The following AATK variants were observed in gnomAD, a reference collection of about 807,000 sequenced individuals.
The protein encoded by AATK is serine/threonine-protein kinase LMTK1.
In AATK, 91 loss-of-function variants were observed where a neutral mutation model predicts 114.3. That is an observed-to-expected ratio of 0.80 (90% CI 0.67 to 0.95). The LOEUF (loss-of-function observed/expected upper bound fraction) is 0.95, where lower values mean the gene tolerates loss of function less well. AATK is among the 40% of genes least tolerant of loss of function. The pLI is 0.00. For synonymous variants in AATK, 1,075 were observed against 916.5 expected (o/e 1.17, Z -3.12); for missense variants, 2,176 against 1,965.2 (o/e 1.11, Z -2.03).
rs1209634633 is a variant in AATK, at chr17:81,163,964, C to T, written c.55+1974G>A. 5.3e-5 allele frequency among the ~76,000 whole-genome samples: 8 copies of T among 152,254 alleles called. No homozygotes were observed. In the East Asian group the frequency reaches 1.5e-3, roughly 29 times the overall value. On this transcript the variant is annotated intron_variant, in intron 1 of 13. Coordinates refer to ENST00000326724, the MANE Select transcript of AATK (RefSeq NM_001080395.3). ...AGCCACAAGCGTGGGCCCCTCCCCT[C>T]TGGGTGCCCCCCCACAGACACAAGC...
rs1257927514 is a variant in AATK at position 81,120,892 on chromosome 17, C to T, written c.3044G>A (p.Cys1015Tyr). The T allele has an allele frequency of 1.3e-6, 2 of 1,588,980 alleles. No individual in the cohort carries two copies. Among genetic ancestry groups the T allele is most frequent in the African/African-American group, 2.7e-5 (2 of 74,432 alleles). ...TGGCCCGGGGGCTCGGTCCCCGCCGCACTTCTTCTCTGGGCCTGAGGTGGC... is the reference window on the plus strand; with the variant it reads ...TGGCCCGGGGGCTCGGTCCCCGCCGTACTTCTTCTCTGGGCCTGAGGTGGC... Reference protein sequence around the residue: ...AEATSGPEKKCGGDRAPGPEL... With the variant: ...AEATSGPEKKYGGDRAPGPEL... Residue 1015 changes from cysteine to tyrosine, a missense_variant, in exon 11 of 14, where the codon TGC becomes TAC. Physicochemically the swap from Cys to Tyr is radical, Grantham distance 194 (BLOSUM62 -2). Coordinates refer to ENST00000326724, the MANE Select transcript of AATK (RefSeq NM_001080395.3).
At chr17:81,148,295 G>A (rs1039268965) in intron 1 of AATK, among the ~76,000 whole-genome samples, 1 of 152,218 alleles carries the variant, frequency 6.6e-6, no homozygotes, top group Non-Finnish European at 1.5e-5. Flanking sequence ...GCTGGACGCA[G>A]AATGGCCACC....
intron 1 of AATK, among the ~76,000 whole-genome samples, chr17:81,152,139 G>A (rs553190070): frequency 7.9e-5 from 12 of 152,174 alleles, no homozygotes; most frequent in African/African-American, 1.7e-4. Flanking sequence ...TTAGCAGGGC[G>A]TGGTGGCACT....
At chr17:81,127,481 G>T in intron 6 of AATK, 102 bp downstream of exon 6, 1 of 1,185,554 alleles carries the variant, frequency 8.4e-7, no homozygotes, top group Non-Finnish European at 1.2e-6. Flanking sequence ...GCTTTAGGGA[G>T]GATGTGAGGC....
At chr17:81,138,676 C>T (rs2061069834) in intron 1 of AATK, among the ~76,000 whole-genome samples, 1 of 151,548 alleles carries the variant, frequency 6.6e-6, no homozygotes, top group Admixed American at 6.6e-5. Context: ...CATACATGCA[C>T]ACCCACCCAC....
chr17:81,138,434 AAC>A (rs1309101680), intron 1 of AATK, among the ~76,000 whole-genome samples: 6 of 108,760 alleles, frequency 5.5e-5, no homozygotes, highest in Admixed American at 2.9e-4. Context: ...TACACATGCA[AAC>A]ACACCCACAG....
chr17:81,119,002 G>A (rs1217237367), intron 13 of AATK, among the ~76,000 whole-genome samples: 2 of 152,094 alleles, frequency 1.3e-5, no homozygotes, highest in Non-Finnish European at 2.9e-5. Flanking sequence ...GCTCCACCTG[G>A]GCACCGTGGG....
At chr17:81,144,111 C>A (rs2061181576) in intron 1 of AATK, among the ~76,000 whole-genome samples, 1 of 152,216 alleles carries the variant, frequency 6.6e-6, no homozygotes, top group Admixed American at 6.5e-5. Flanking sequence ...TGCTAAGTGG[C>A]TAAGTGCACC....
At chr17:81,135,817 C>A (rs115282065) in intron 1 of AATK, 1 of 152,394 alleles carries the variant, frequency 6.6e-6, no homozygotes, top group Non-Finnish European at 1.5e-5. Flanking sequence ...GAGTGAGGAC[C>A]AGACAGGGCC....
chr17:81,134,547 C>A, intron 1 of AATK, 46 bp from the exon 2 acceptor site: 1 of 1,585,000 alleles, frequency 6.3e-7, no homozygotes, highest in Non-Finnish European at 8.6e-7. Flanking sequence ...TGAGGGCCGG[C>A]CAGGCCCCTG....
intron 1 of AATK, among the ~76,000 whole-genome samples, chr17:81,160,974 C>T (rs971774298): frequency 6.6e-6 from 1 of 152,200 alleles, no homozygotes; most frequent in Non-Finnish European, 1.5e-5. Flanking sequence ...GGCCTGCTTC[C>T]TCCTCACACC....
At chr17:81,127,216 C>G (rs1464874637) in intron 6 of AATK, among the ~76,000 whole-genome samples, 1 of 152,054 alleles carries the variant, frequency 6.6e-6, no homozygotes, top group Admixed American at 6.5e-5. Context: ...GCCCAGCCCC[C>G]CATGGCAAAA....
chr17:81,165,962 C>A lies in AATK; in HGVS notation c.31G>T (p.Ala11Ser), dbSNP rs868005240. 2 of 1,585,440 alleles carry A rather than the reference C, an allele frequency of 1.3e-6. No individual in the cohort carries two copies. Among genetic ancestry groups the A allele is most frequent in the African/African-American group, 1.4e-5 (1 of 73,858 alleles). Residue 11 changes from alanine (A) to serine (S), a missense_variant, in exon 1 of 14, where the codon GCC becomes TCC. This residue lies in a region of AATK where 178 missense variants were observed against 175.4 expected (regional missense o/e 1.01). Transcript: ENST00000326724. The stretch of plus-strand genomic sequence containing the variant: ...CCGGGGTCGAAGTGCGAGCTGAAGG[C>A]GAAGCTGGGGTTGAAGAAGGACGAC... MSSSFFNPSF[A>S]FSSHFDPDGA...
intron 2 of AATK, 45 bp downstream of exon 2, chr17:81,134,313 CTACAGGCCTT>C: frequency 6.2e-7 from 1 of 1,604,574 alleles, no homozygotes; most frequent in Non-Finnish European, 8.5e-7. Flanking sequence ...CAAGTGGACG[CTACAGGCCTT>C]GCCTGCGGGA....
In AATK at chr17:81,121,740, C is replaced by A; in HGVS notation, c.2196G>T (p.Gln732His). The A allele has an allele frequency of 6.7e-7, 1 of 1,502,162 alleles. No individual in the cohort carries two copies. Among genetic ancestry groups the A allele is most frequent in the Non-Finnish European group, 8.9e-7 (1 of 1,129,082 alleles). 93.1% of individuals were successfully genotyped at this position (1,502,162 alleles called of 1,614,324 possible). A position where few individuals can be genotyped will look rare whatever the true frequency, so the allele number is the denominator to read the frequency against. The stretch of plus-strand genomic sequence containing the variant: ...AGCCTGGCTCCTGGGCAGAGGCTGC[C>A]TGGAGCCCAAGCAGAGGCTCTCCAG... ...GYPGEPLLGL[Q>H]AASAQEPGCC... Residue 732 changes from glutamine to histidine, a missense_variant, in exon 11 of 14, where the codon CAG becomes CAT. Transcript: ENST00000326724.
intron 3 of AATK, chr17:81,128,876 A>G (rs1171347026): frequency 1.7e-6 from 2 of 1,171,220 alleles, no homozygotes; most frequent in Admixed American, 7.3e-5. Flanking sequence ...TGCACCAGGC[A>G]GGCAGTGTGG....
At chr17:81,148,767 C>T (rs896084016) in intron 1 of AATK, among the ~76,000 whole-genome samples, 3 of 151,898 alleles carry the variant, frequency 2.0e-5, no homozygotes, top group African/African-American at 7.3e-5. Context: ...CACACGCTCC[C>T]ACTCACGCTC....
rs2060593467 is a variant in AATK, at chr17:81,118,290, T to C, written c.*112A>G. 2 of 1,162,346 alleles carry C rather than the reference T, an allele frequency of 1.7e-6. No individual in the cohort carries two copies. Among genetic ancestry groups the C allele is most frequent in the Non-Finnish European group, 2.5e-6 (2 of 812,662 alleles). 72.0% of individuals were successfully genotyped at this position (1,162,346 alleles called of 1,614,324 possible). A position where few individuals can be genotyped will look rare whatever the true frequency, so the allele number is the denominator to read the frequency against. On this transcript the variant is annotated 3_prime_UTR_variant, in exon 14 of 14. Transcript: ENST00000326724. ...CGCGTGGGGCAGAGGCACCTGAATC[T>C]GCTGCCAACAGCCACCAGGACGTGG...
At chr17:81,137,207 G>A (rs183733239) in intron 1 of AATK, among the ~76,000 whole-genome samples, 3 of 151,266 alleles carry the variant, frequency 2.0e-5, no homozygotes, top group East Asian at 1.9e-4. Flanking sequence ...GCAGTGAGCC[G>A]AGATTGCACC....
Sources: gnomAD v4.1 joint callset for allele counts (sites outside exome capture counted in the v4.1 genomes callset) on GRCh38, gnomAD v4.1.1 for gene constraint, gnomAD v4.1.1 regional missense constraint, MANE v1.5 for transcripts, NCBI Gene and HGNC (gene_info 2026-07-23, HGNC 2026-07-21) for gene names.